Variants in YBX1 observed in about 807,000 individuals in gnomAD.
YBX1 encodes Y-box binding protein 1, also known as Y-box-binding protein 1.
A neutral mutation model predicts 41.4 loss-of-function variants in YBX1; 3 were observed. That is an observed-to-expected ratio of 0.07 (90% CI 0.03 to 0.19). YBX1 has a LOEUF of 0.19. Ranked by LOEUF, YBX1 falls within the 10% of genes least tolerant of loss-of-function variation. YBX1 has a pLI of 1.00. For synonymous variants in YBX1, 133 were observed against 165.8 expected (o/e 0.80, Z 1.52); for missense variants, 274 against 462.8 (o/e 0.59, Z 3.74).
At chr1:42,687,740 G>T (rs933904874) in intron 2 of YBX1, among the ~76,000 whole-genome samples, 13 of 152,248 alleles carry the variant, frequency 8.5e-5, no homozygotes, top group East Asian at 7.7e-4. Context: ...CAAATGTGTG[G>T]TTCTTAATAG....
intron 2 of YBX1, among the ~76,000 whole-genome samples, chr1:42,691,803 A>G (rs1038266118): frequency 3.9e-5 from 6 of 152,258 alleles, no homozygotes; most frequent in African/African-American, 7.2e-5. Context: ...TCTTCTAGCA[A>G]CTAACACCCA....
intron 1 of YBX1, 62 bp downstream of exon 1, chr1:42,682,793 C>A: frequency 1.8e-6 from 2 of 1,113,764 alleles, no homozygotes; most frequent in East Asian, 3.7e-5. Flanking sequence ...AACCGTTAGC[C>A]GGAGCTGGGC....
chr1:42,692,251 T>A (rs1650359427), intron 2 of YBX1, among the ~76,000 whole-genome samples: 1 of 152,228 alleles, frequency 6.6e-6, no homozygotes, highest in Admixed American at 6.5e-5. Flanking sequence ...CCTTAGAGCC[T>A]TAGAGTTTGA....
At position 42,683,409 on chromosome 1, in the gene YBX1, A is replaced by T; in HGVS notation, c.173A>T (p.Lys58Met). Residue 58 changes from lysine (K) to methionine (M), a missense_variant, in exon 2 of 8, where the codon AAG becomes ATG. Physicochemically the swap from Lys to Met is moderately conservative, Grantham distance 95. Around this residue, in one of 3 missense-constraint regions of YBX1, gnomAD observed 84 missense variants for 130.8 expected, o/e 0.64. Transcript: ENST00000321358. Reference sequence around the variant, plus strand: ...GCTTTGTTTTCTTTTCCAGCAACGAAGGTTTTGGGAACAGTAAAATGGTTC... The same window carrying T: ...GCTTTGTTTTCTTTTCCAGCAACGATGGTTTTGGGAACAGTAAAATGGTTC... ...AGGDKKVIAT[K>M]VLGTVKWFNV... The T allele has an allele frequency of 1.2e-6, 2 of 1,614,206 alleles. No individual in the cohort carries two copies. Among genetic ancestry groups the T allele is most frequent in the Non-Finnish European group, 1.7e-6 (2 of 1,180,020 alleles).
At chr1:42,697,792 G>A (rs1363929033) in intron 6 of YBX1, among the ~76,000 whole-genome samples, 3 of 151,986 alleles carry the variant, frequency 2.0e-5, no homozygotes, top group Non-Finnish European at 4.4e-5. Flanking sequence ...TACTTGAGTG[G>A]GTATTAGAAA....
At chr1:42,697,295 T>C in intron 6 of YBX1, 33 bp downstream of exon 6, 2 of 1,606,058 alleles carry the variant, frequency 1.2e-6, no homozygotes, top group Non-Finnish European at 1.7e-6. Flanking sequence ...TCTATTAAAA[T>C]TTCCTCAAAC....
At chr1:42,690,086 T>G (rs1025035451) in intron 2 of YBX1, among the ~76,000 whole-genome samples, 7 of 152,092 alleles carry the variant, frequency 4.6e-5, no homozygotes, top group African/African-American at 1.7e-4. Flanking sequence ...GGCGTGGTGG[T>G]GCATACCTGT....
At chr1:42,700,744 G>T in intron 6 of YBX1, 37 bp from the exon 7 acceptor site, 1 of 1,557,054 alleles carries the variant, frequency 6.4e-7, no homozygotes, top group African/African-American at 1.4e-5. Flanking sequence ...AAGAGAGAAG[G>T]TTTTATCATT....
intron 6 of YBX1, among the ~76,000 whole-genome samples, chr1:42,697,857 G>A (rs1048876609): frequency 6.6e-6 from 1 of 152,040 alleles, no homozygotes; most frequent in Non-Finnish European, 1.5e-5. Context: ...CATGAACCAA[G>A]CATATTTTAG....
At chr1:42,687,002 G>A (rs534131598) in intron 2 of YBX1, among the ~76,000 whole-genome samples, 7 of 152,264 alleles carry the variant, frequency 4.6e-5, no homozygotes, top group East Asian at 1.9e-4. Context: ...ATTTTTAGCC[G>A]TTGAAAGACT....
Position 42,682,521 on chromosome 1 carries a change from G to A in YBX1, c.-45G>A. On this transcript the variant is annotated 5_prime_UTR_variant, in exon 1 of 8. Coordinates refer to ENST00000321358, the MANE Select transcript of YBX1 (RefSeq NM_004559.5). ...CCTAGTTACCATCACACCCCGGGAG[G>A]AGCCGCAGCTGCCGCAGCCGGCCCC... is the stretch of plus-strand genomic sequence containing the variant. The A allele has an allele frequency of 3.5e-6, 5 of 1,420,770 alleles. No individual in the cohort carries two copies. The highest frequency in any genetic ancestry group is 3.1e-5 in the East Asian group (1 of 32,756). The allele number at this position is 1,420,770 out of a possible 1,614,324, so 88.0% of individuals were successfully genotyped here. A position where few individuals can be genotyped will look rare whatever the true frequency, so the allele number is the denominator to read the frequency against.
intron 2 of YBX1, among the ~76,000 whole-genome samples, chr1:42,689,632 A>G (rs772861752): frequency 2.6e-5 from 4 of 152,218 alleles, no homozygotes; most frequent in Non-Finnish European, 5.9e-5. Context: ...CATGGTGAAC[A>G]TGCTGGAGTA....
rs374416304 is a variant in YBX1 at position 42,688,484 on chromosome 1, G to A, written c.231-5006G>A. Among the ~76,000 whole-genome samples the A allele has an allele frequency of 8.9e-4, 136 of 152,256 alleles. 1 individual carries two copies. Among genetic ancestry groups the A allele is most frequent in the African/African-American group, 3.2e-3 (133 of 41,554 alleles). Reference sequence around the variant, plus strand: ...AGGCAGCATTAAATCATAACTGCACGACATTCACTGTAGTAATATTGTACT... The same window carrying A: ...AGGCAGCATTAAATCATAACTGCACAACATTCACTGTAGTAATATTGTACT... On this transcript the variant is annotated intron_variant, in intron 2 of 7. Transcript: ENST00000321358.
intron 2 of YBX1, among the ~76,000 whole-genome samples, chr1:42,686,294 CT>C (rs1241618150): frequency 1.3e-5 from 2 of 152,258 alleles, no homozygotes; most frequent in East Asian, 3.9e-4. Context: ...CTCCCAGATG[CT>C]TTGATTAGAC....
At chr1:42,692,215 C>A (rs1358297422) in intron 2 of YBX1, among the ~76,000 whole-genome samples, 2 of 152,242 alleles carry the variant, frequency 1.3e-5, no homozygotes, top group South Asian at 4.1e-4. Context: ...GCCTTTCTTA[C>A]TCTACCAGTT....
In YBX1 at chr1:42,696,522, C is replaced by CGGGGGGGGGGGGGGGGGTGG; in HGVS notation, c.355-120_355-119insGGGGGGGGGGGGGGGGGTGG. The CGGGGGGGGGGGGGGGGGTGG allele has an allele frequency of 1.6e-6, 1 of 637,568 alleles. No individual in the cohort carries two copies. The highest frequency in any genetic ancestry group is 2.4e-6 in the Non-Finnish European group (1 of 420,684). The allele number at this position is 637,568 out of a possible 1,614,324, so 39.5% of individuals were successfully genotyped here. On this transcript the variant is annotated intron_variant, in intron 4 of 7. Transcript: ENST00000321358. This position sits in a 1 kb window ranked among gnomAD's most constrained non-coding sequence, Gnocchi z 5.7. ...GGTCACGCAGTTGCGCCCCCCCCCC[C>CGGGGGGGGGGGGGGGGGTGG]TTTTTTTTCCTTAACTTTGTTGTTT... is the stretch of plus-strand genomic sequence containing the variant.
intron 6 of YBX1, among the ~76,000 whole-genome samples, chr1:42,698,664 A>G (rs750460346): frequency 6.6e-6 from 1 of 152,172 alleles, no homozygotes; most frequent in Non-Finnish European, 1.5e-5. Flanking sequence ...TATATTGACA[A>G]ACAAGCTTGC....
intron 2 of YBX1, among the ~76,000 whole-genome samples, chr1:42,687,655 G>T (rs1265718381): frequency 6.6e-6 from 1 of 152,042 alleles, no homozygotes; most frequent in Admixed American, 6.6e-5. Flanking sequence ...TTGGTTGTTT[G>T]AAGTGGAGTC....
chr1:42,685,456 C>T (rs780925571), intron 2 of YBX1, among the ~76,000 whole-genome samples: 1 of 152,146 alleles, frequency 6.6e-6, no homozygotes, highest in Non-Finnish European at 1.5e-5. Flanking sequence ...GCTGTAAAAT[C>T]TGACTCCAAT....
Sources: allele counts gnomAD v4.1 joint callset (sites outside exome capture counted in the v4.1 genomes callset), GRCh38; gene constraint gnomAD v4.1.1; regional missense constraint gnomAD v4.1.1; non-coding constraint Gnocchi (gnomAD v3.1); transcripts MANE v1.5; gene names NCBI Gene and HGNC (gene_info 2026-07-23, HGNC 2026-07-21).